The following GARRE1 variants were observed in gnomAD, a reference collection of about 807,000 sequenced individuals.
GARRE1 encodes granule associated Rac and RHOG effector protein 1.
GARRE1 carries 49 observed loss-of-function variants against 103.2 expected under a neutral mutation model. That is an observed-to-expected ratio of 0.47 (90% CI 0.38 to 0.60). The LOEUF (loss-of-function observed/expected upper bound fraction) is 0.60. Ranked by LOEUF, GARRE1 falls within the 20% of genes least tolerant of loss-of-function variation. The pLI, the probability that GARRE1 is intolerant of heterozygous loss-of-function variation, is 0.00. For synonymous variants in GARRE1, 505 were observed against 532.8 expected (o/e 0.95, Z 0.72); for missense variants, 1,199 against 1,370.5 (o/e 0.87, Z 1.98).
chr19:34,308,189 A>G (rs1171983375), intron 2 of GARRE1, among the ~76,000 whole-genome samples: 4 of 151,960 alleles, frequency 2.6e-5, no homozygotes, highest in Non-Finnish European at 5.9e-5. Context: ...GCTGGTTTCA[A>G]AAATACGATT....
At chr19:34,298,440 C>T (rs2073958716) in intron 1 of GARRE1, among the ~76,000 whole-genome samples, 1 of 149,152 alleles carries the variant, frequency 6.7e-6, no homozygotes, top group Admixed American at 6.7e-5. Flanking sequence ...TGGCCAGGCG[C>T]AGTGGCTCAG....
intron 7 of GARRE1, 26 bp from the exon 8 acceptor site, chr19:34,333,678 T>G (rs1489430054): frequency 4.9e-6 from 2 of 409,078 alleles, no homozygotes; most frequent in South Asian, 7.0e-5. Flanking sequence ...TTGTTATTTG[T>G]TTTTTTTTTT....
chr19:34,318,972 G>A (rs757743762), intron 2 of GARRE1, among the ~76,000 whole-genome samples: 1 of 151,790 alleles, frequency 6.6e-6, no homozygotes, highest in Non-Finnish European at 1.5e-5. Flanking sequence ...CCGAGATCAC[G>A]CCACTGCACT....
intron 1 of GARRE1, among the ~76,000 whole-genome samples, chr19:34,284,371 C>T (rs1031493193): frequency 1.3e-5 from 2 of 151,996 alleles, no homozygotes; most frequent in African/African-American, 2.4e-5. Flanking sequence ...GTGATCTGCC[C>T]GTCTCAGCCT....
At chr19:34,303,405 A>G (rs2073990544) in intron 2 of GARRE1, among the ~76,000 whole-genome samples, 1 of 152,356 alleles carries the variant, frequency 6.6e-6, no homozygotes, top group African/African-American at 2.4e-5. Flanking sequence ...CTTTGGGTTA[A>G]CCAAAAAAAG....
chr19:34,346,984 C>T lies in GARRE1; in HGVS notation c.2522-893C>T, dbSNP rs1049786268. ...TGTCTCTCAGGCTGGAGTGCAGTGGCGCAATCTTGGCTCACTGCAACCTCC... is the reference window on the plus strand; with the variant it reads ...TGTCTCTCAGGCTGGAGTGCAGTGGTGCAATCTTGGCTCACTGCAACCTCC... On this transcript the variant is annotated intron_variant, in intron 10 of 13. Transcript: ENST00000299505. Among the ~76,000 whole-genome samples the T allele has an allele frequency of 7.9e-5, 12 of 152,046 alleles. No individual in the cohort carries two copies. The South Asian group carries it at 8.3e-4, about 11-fold the overall frequency.
intron 7 of GARRE1, 22 bp from the exon 8 acceptor site, chr19:34,333,682 T>TTC: frequency 8.1e-7 from 1 of 1,233,580 alleles, no homozygotes; most frequent in Non-Finnish European, 1.1e-6. Flanking sequence ...TATTTGTTTT[T>TTC]TTTTTTTTTT....
In GARRE1 at chr19:34,300,987, C is replaced by G; in HGVS notation, c.495+19C>G. 1 of 1,580,966 alleles carries G rather than the reference C, an allele frequency of 6.3e-7. No homozygotes were observed. The highest frequency in any genetic ancestry group is 8.6e-7 in the Non-Finnish European group (1 of 1,168,280). On this transcript the variant is annotated intron_variant, in intron 2 of 13. Coordinates refer to ENST00000299505, the MANE Select transcript of GARRE1 (RefSeq NM_014686.5). ...CATTGAGGTAGAGTATCTTTTGTGT[C>G]ATACTTGTGTAGGAAAATATACTAC...
chr19:34,348,750 TCCC>T (rs1215587216), intron 11 of GARRE1: 6 of 436,714 alleles, frequency 1.4e-5, no homozygotes, highest in African/African-American at 4.0e-5. Flanking sequence ...TAGCTATTCT[TCCC>T]CATGCTCTCC....
chr19:34,314,001 A>G (rs1357437045), intron 2 of GARRE1, among the ~76,000 whole-genome samples: 1 of 152,022 alleles, frequency 6.6e-6, no homozygotes, highest in African/African-American at 2.4e-5. Flanking sequence ...GGGTTTCACC[A>G]TGTTGACTAG....
chr19:34,303,421 G>T (rs1381238136), intron 2 of GARRE1, among the ~76,000 whole-genome samples: 2 of 152,178 alleles, frequency 1.3e-5, no homozygotes, highest in Non-Finnish European at 1.5e-5. Flanking sequence ...AAAAGAACTT[G>T]ACTTTTAAGT....
At chr19:34,254,980 C>T (rs2073661997) in intron 1 of GARRE1, among the ~76,000 whole-genome samples, 1 of 151,732 alleles carries the variant, frequency 6.6e-6, no homozygotes, top group South Asian at 2.1e-4. Context: ...GGAGGTCGCG[C>T]TGGCGCCAGG....
chr19:34,262,720 A>G (rs1190373464), intron 1 of GARRE1, among the ~76,000 whole-genome samples: 3 of 152,228 alleles, frequency 2.0e-5, no homozygotes, highest in Non-Finnish European at 4.4e-5. Context: ...CTCTGACTTC[A>G]TGAAAAACCA....
At chr19:34,316,903 C>T (rs921439206) in intron 2 of GARRE1, among the ~76,000 whole-genome samples, 1 of 152,186 alleles carries the variant, frequency 6.6e-6, no homozygotes, top group African/African-American at 2.4e-5. Flanking sequence ...CAGACAATGC[C>T]TTTTAAACTG....
At chr19:34,259,783 A>G (rs143256795) in intron 1 of GARRE1, among the ~76,000 whole-genome samples, 44 of 152,284 alleles carry the variant, frequency 2.9e-4, no homozygotes, top group African/African-American at 1.0e-3. Flanking sequence ...TGTAGTTCCC[A>G]TAATCCCCAC....
intron 2 of GARRE1, among the ~76,000 whole-genome samples, chr19:34,316,673 C>T (rs929693996): frequency 6.6e-6 from 1 of 152,162 alleles, no homozygotes; most frequent in Admixed American, 6.5e-5. Context: ...CAAGGTCCAG[C>T]GTTAACCATT....
intron 1 of GARRE1, among the ~76,000 whole-genome samples, chr19:34,282,914 T>C (rs1186100834): frequency 6.6e-6 from 1 of 152,246 alleles, no homozygotes; most frequent in Non-Finnish European, 1.5e-5. Context: ...TATAGTTTCC[T>C]CTGCTTTCTC....
At chr19:34,258,551 G>A (rs374747217) in intron 1 of GARRE1, among the ~76,000 whole-genome samples, 2 of 152,018 alleles carry the variant, frequency 1.3e-5, no homozygotes, top group Admixed American at 6.6e-5. Flanking sequence ...TTGGGAGGCC[G>A]AGGTGAGCGG....
At chr19:34,307,642 T>C (rs1369397620) in intron 2 of GARRE1, among the ~76,000 whole-genome samples, 1 of 85,610 alleles carries the variant, frequency 1.2e-5, no homozygotes, top group African/African-American at 3.0e-5. Context: ...TATATACTTA[T>C]ATATACATAC....
Sources: allele counts gnomAD v4.1 joint callset (sites outside exome capture counted in the v4.1 genomes callset), GRCh38; gene constraint gnomAD v4.1.1; transcripts MANE v1.5; gene names NCBI Gene and HGNC (gene_info 2026-07-23, HGNC 2026-07-21).